KCNK2: variants seen among roughly 807,000 people sequenced by gnomAD.
KCNK2 encodes the protein potassium two pore domain channel subfamily K member 2.
A neutral mutation model predicts 40.5 loss-of-function variants in KCNK2; 21 were observed. The ratio of observed to expected loss-of-function variants is 0.52; its 90% CI spans 0.37 to 0.75. The LOEUF is 0.75. KCNK2 is among the 30% of genes least tolerant of loss of function. The pLI, the probability that KCNK2 is intolerant of heterozygous loss-of-function variation, is 0.00. For synonymous variants in KCNK2, 191 were observed against 202.2 expected (o/e 0.94, Z 0.47); for missense variants, 399 against 531.6 (o/e 0.75, Z 2.45).
chr1:215,007,081 A>ATGTGTG (rs1241760561), intron 1 of KCNK2, among the ~76,000 whole-genome samples: 8 of 94,524 alleles, frequency 8.5e-5, no homozygotes, highest in South Asian at 2.9e-4. Flanking sequence ...GTATATATAT[A>ATGTGTG]TGTGTGTATA....
intron 5 of KCNK2, among the ~76,000 whole-genome samples, chr1:215,179,028 GGAAGTC>G (rs1664111918): frequency 1.3e-5 from 2 of 151,126 alleles, no homozygotes; most frequent in Non-Finnish European, 3.0e-5. Flanking sequence ...ATTCCATTTT[GGAAGTC>G]AATATTAGTC....
chr1:215,144,275 A>G (rs1662314599), intron 3 of KCNK2, among the ~76,000 whole-genome samples: 1 of 152,178 alleles, frequency 6.6e-6, no homozygotes, highest in South Asian at 2.1e-4. Flanking sequence ...AAAAATGGTA[A>G]TGGATATTGC....
intron 2 of KCNK2, among the ~76,000 whole-genome samples, chr1:215,098,649 A>AT (rs1660080929): frequency 1.3e-5 from 2 of 151,938 alleles, no homozygotes; most frequent in Non-Finnish European, 2.9e-5. Context: ...TTTTATCTAC[A>AT]TTTTTTAACT....
At chr1:215,209,349 AT>A (rs1437472056) in intron 6 of KCNK2, among the ~76,000 whole-genome samples, 2 of 89,508 alleles carry the variant, frequency 2.2e-5, no homozygotes, top group East Asian at 6.3e-4. Context: ...TAATATATAT[AT>A]TATATATAAT....
chr1:215,043,061 C>A (rs1325450313), intron 1 of KCNK2, among the ~76,000 whole-genome samples: 1 of 152,148 alleles, frequency 6.6e-6, no homozygotes, highest in African/African-American at 2.4e-5. Context: ...AGTATGTGCC[C>A]TCACAGGTCT....
chr1:215,104,732 G>A (rs988383053), intron 2 of KCNK2, among the ~76,000 whole-genome samples: 2 of 152,064 alleles, frequency 1.3e-5, no homozygotes, highest in Admixed American at 6.6e-5. Flanking sequence ...TTAGTAAAGA[G>A]AAGTGAGACA....
At chr1:215,157,781 A>G (rs2102620241) in intron 3 of KCNK2, among the ~76,000 whole-genome samples, 1 of 152,336 alleles carries the variant, frequency 6.6e-6, no homozygotes, top group South Asian at 2.1e-4. Flanking sequence ...TAGTCAATGG[A>G]CATCTTTCAT....
At chr1:215,081,165 ATGTGTGTG>A (rs34229936), upstream of KCNK2, among the ~76,000 whole-genome samples, 1,745 of 149,316 alleles carry the variant, frequency 0.012, 38 homozygotes, top group South Asian at 0.068. Flanking sequence ...GTACACGCAA[ATGTGTGTG>A]TGTGTGTGTG....
intron 2 of KCNK2, among the ~76,000 whole-genome samples, chr1:215,091,217 G>A (rs1226403049): frequency 6.6e-6 from 1 of 152,094 alleles, no homozygotes; most frequent in Non-Finnish European, 1.5e-5. Flanking sequence ...GAAGACGAGG[G>A]GAATAGTGGA....
chr1:215,045,055 C>T (rs992873949), intron 1 of KCNK2, among the ~76,000 whole-genome samples: 3 of 151,708 alleles, frequency 2.0e-5, no homozygotes, highest in Admixed American at 6.6e-5. Context: ...CAGTGGCGGG[C>T]GCCTGTAGTC....
intron 5 of KCNK2, among the ~76,000 whole-genome samples, chr1:215,185,337 AG>A (rs2102653277): frequency 6.6e-6 from 1 of 152,224 alleles, no homozygotes; most frequent in African/African-American, 2.4e-5. Flanking sequence ...CCCTGTTTCT[AG>A]TACTGTAATC....
chr1:215,226,950 G>A (rs1240122888), intron 6 of KCNK2, among the ~76,000 whole-genome samples: 1 of 152,160 alleles, frequency 6.6e-6, no homozygotes, highest in Non-Finnish European at 1.5e-5. Context: ...ATGAGTCAGT[G>A]CTTTTCACCG....
rs139397485 is a variant in KCNK2 at position 215,107,581 on chromosome 1, T to G, written c.358-17052T>G. ...GAAGTACTATTTCATCGATTTGTGTTTTTCTGATAATTAGTGATGTTGAGC... is the reference window on the plus strand; with the variant it reads ...GAAGTACTATTTCATCGATTTGTGTGTTTCTGATAATTAGTGATGTTGAGC... On this transcript the variant is annotated intron_variant, in intron 2 of 6. Transcript: ENST00000444842. 1.8e-3 allele frequency among the ~76,000 whole-genome samples: 271 copies of G among 152,246 alleles called. 1 individual carries two copies. The highest frequency in any genetic ancestry group is 6.1e-3 in the African/African-American group (252 of 41,570).
intron 1 of KCNK2, among the ~76,000 whole-genome samples, chr1:215,058,231 G>A (rs1215365301): frequency 6.6e-6 from 1 of 152,078 alleles, no homozygotes; most frequent in Non-Finnish European, 1.5e-5. Flanking sequence ...GTTGGCAGAG[G>A]TCCTCACTCC....
At chr1:215,133,128 G>A (rs1661748586) in intron 3 of KCNK2, among the ~76,000 whole-genome samples, 1 of 152,090 alleles carries the variant, frequency 6.6e-6, no homozygotes, top group Admixed American at 6.5e-5. Context: ...TTGCATATTG[G>A]GTAGCAGCAT....
chr1:215,164,841 A>G (rs559418919), intron 3 of KCNK2, among the ~76,000 whole-genome samples: 1 of 152,212 alleles, frequency 6.6e-6, no homozygotes, highest in East Asian at 1.9e-4. Context: ...TCCTCACTGG[A>G]TTGTCAACTT....
At chr1:215,018,406 G>T (rs1431689761) in intron 1 of KCNK2, among the ~76,000 whole-genome samples, 1 of 152,104 alleles carries the variant, frequency 6.6e-6, no homozygotes, top group Non-Finnish European at 1.5e-5. Flanking sequence ...ATTGGTTCCT[G>T]CCTATCAAAC....
At chr1:215,206,751 GCT>G (rs1387857998) in intron 6 of KCNK2, among the ~76,000 whole-genome samples, 2 of 152,124 alleles carry the variant, frequency 1.3e-5, no homozygotes, top group Non-Finnish European at 2.9e-5. Context: ...TGCTGCTGAA[GCT>G]CTCTCTGGGG....
intron 1 of KCNK2, among the ~76,000 whole-genome samples, chr1:215,006,997 C>CTATATA (rs199497700): frequency 0.013 from 1,078 of 81,360 alleles, 12 homozygotes; most frequent in African/African-American, 0.016. Context: ...GACCAATTCA[C>CTATATA]TATATATATA....
Sources: gnomAD v4.1 joint callset for allele counts (sites outside exome capture counted in the v4.1 genomes callset) on GRCh38, gnomAD v4.1.1 for gene constraint, MANE v1.5 for transcripts, NCBI Gene and HGNC (gene_info 2026-07-23, HGNC 2026-07-21) for gene names.